The following PRICKLE1 variants were observed in gnomAD, a reference collection of about 807,000 sequenced individuals.
The protein encoded by PRICKLE1 is prickle-like protein 1.
In PRICKLE1, 14 loss-of-function variants were observed where a neutral mutation model predicts 70.2. That is an observed-to-expected ratio of 0.20 (90% CI 0.13 to 0.31). The LOEUF (loss-of-function observed/expected upper bound fraction) is 0.31, where lower values mean the gene tolerates loss of function less well. PRICKLE1 is among the 10% of genes least tolerant of loss of function. PRICKLE1 has a pLI of 1.00. For missense variants in PRICKLE1, 821 were observed against 1,026.2 expected, an observed-to-expected ratio of 0.80 and a Z score of 2.73; for synonymous variants, 357 against 379.9, an observed-to-expected ratio of 0.94 and a Z score of 0.70.
intron 1 of PRICKLE1, among the ~76,000 whole-genome samples, chr12:42,497,049 T>C (rs1039546189): frequency 1.3e-5 from 2 of 152,218 alleles, no homozygotes; most frequent in Admixed American, 1.3e-4. Context: ...TTAACATGTC[T>C]TACTCACTAA....
intron 1 of PRICKLE1, 111 bp from the exon 2 acceptor site, chr12:42,472,675 A>C (rs969339730): frequency 3.8e-5 from 34 of 898,498 alleles, no homozygotes; most frequent in Non-Finnish European, 5.7e-5. Context: ...GGCCCAGAGA[A>C]AGTAACCAAA....
At chr12:42,525,668 T>A (rs181655626) in intron 1 of PRICKLE1, among the ~76,000 whole-genome samples, 4 of 151,888 alleles carry the variant, frequency 2.6e-5, no homozygotes, top group Non-Finnish European at 4.4e-5. Context: ...CCAGAAGTCT[T>A]CTGTATTGAT....
chr12:42,557,289 G>A (rs1234185590), intron 1 of PRICKLE1, among the ~76,000 whole-genome samples: 1 of 152,194 alleles, frequency 6.6e-6, no homozygotes, highest in Non-Finnish European at 1.5e-5. Flanking sequence ...CTGGCTTGGG[G>A]ACAGTGCCTG....
rs968961042 is a variant in PRICKLE1 at position 42,506,259 on chromosome 12, C to G, written c.-48-33695G>C. Among the ~76,000 whole-genome samples, 146 of 121,156 alleles carry G rather than the reference C, an allele frequency of 1.2e-3. 3 individuals carry two copies. Among genetic ancestry groups the G allele is most frequent in the African/African-American group, 4.0e-3 (115 of 29,104 alleles). The allele number at this position is 121,156 out of a possible 152,430, so 79.5% of individuals were successfully genotyped here. ...AAAAAATGTTCTTTTTTCTTTCTTT[C>G]TTTTTTTTTTTTTTTGAGATGGAGT... On this transcript the variant is annotated intron_variant, in intron 1 of 7. Transcript: ENST00000345127.
At chr12:42,495,644 A>G (rs1056183759) in intron 1 of PRICKLE1, among the ~76,000 whole-genome samples, 1 of 150,972 alleles carries the variant, frequency 6.6e-6, no homozygotes, top group African/African-American at 2.4e-5. Flanking sequence ...GGCTGGGTGC[A>G]GTGGCACAAT....
Position 42,464,733 on chromosome 12 carries a change from T to G in PRICKLE1, c.1301A>C (p.Glu434Ala). The change falls in exon 7 of 8, where the codon GAG (glutamate) becomes GCG (alanine). Residue 434 changes from glutamate to alanine, a missense_variant. Physicochemically the swap from Glu to Ala is moderately radical, Grantham distance 107. Transcript: ENST00000345127. This position sits in a 1 kb window ranked among gnomAD's most constrained non-coding sequence, Gnocchi z 4.2. ...DKSLFQPQPN[E>A]MDIRASEHWI... Reference sequence around the variant, plus strand: ...GTGCTCACTGGCTCGAATATCCATCTCATTGGGCTGTGGCTGAAAGAGGCT... The same window carrying G: ...GTGCTCACTGGCTCGAATATCCATCGCATTGGGCTGTGGCTGAAAGAGGCT... The G allele has an allele frequency of 6.2e-7, 1 of 1,614,118 alleles. No homozygotes were observed. Among genetic ancestry groups the G allele is most frequent in the Non-Finnish European group, 8.5e-7 (1 of 1,180,016 alleles).
intron 1 of PRICKLE1, among the ~76,000 whole-genome samples, chr12:42,585,607 G>A (rs1940974236): frequency 6.6e-6 from 1 of 152,130 alleles, no homozygotes; most frequent in East Asian, 1.9e-4. Context: ...TGCCAGAAGT[G>A]TCATGACATC....
intron 1 of PRICKLE1, among the ~76,000 whole-genome samples, chr12:42,516,093 G>T (rs1939606736): frequency 6.6e-6 from 1 of 151,136 alleles, no homozygotes; most frequent in South Asian, 2.1e-4. Context: ...TTCCTATACT[G>T]TAGCTTCCAA....
chr12:42,575,004 G>C (rs1318783480), intron 1 of PRICKLE1, among the ~76,000 whole-genome samples: 2 of 149,216 alleles, frequency 1.3e-5, no homozygotes, highest in Non-Finnish European at 3.0e-5. Context: ...TGACATTCAG[G>C]CTTCTTTTTT....
At chr12:42,569,616 A>G (rs1566130893) in intron 1 of PRICKLE1, among the ~76,000 whole-genome samples, 1 of 152,242 alleles carries the variant, frequency 6.6e-6, no homozygotes, top group Non-Finnish European at 1.5e-5. Flanking sequence ...CGATAAGGAA[A>G]TCGATTGTAC....
intron 1 of PRICKLE1, among the ~76,000 whole-genome samples, chr12:42,490,665 G>A (rs1939083447): frequency 6.6e-6 from 1 of 152,128 alleles, no homozygotes; most frequent in Non-Finnish European, 1.5e-5. Flanking sequence ...GCTGCCCGGG[G>A]TGTACAGTCT....
chr12:42,531,203 C>T (rs913205687), intron 1 of PRICKLE1, among the ~76,000 whole-genome samples: 5 of 151,822 alleles, frequency 3.3e-5, no homozygotes, highest in African/African-American at 1.2e-4. Flanking sequence ...CCCGCCACCA[C>T]GCCCAGCTAA....
intron 1 of PRICKLE1, among the ~76,000 whole-genome samples, chr12:42,502,194 T>C (rs1939323910): frequency 6.6e-6 from 1 of 150,832 alleles, no homozygotes. Context: ...TATACATATA[T>C]ACACACACAC....
chr12:42,567,267 T>A (rs1035187691), intron 1 of PRICKLE1, among the ~76,000 whole-genome samples: 1 of 152,148 alleles, frequency 6.6e-6, no homozygotes, highest in Non-Finnish European at 1.5e-5. Context: ...TTCAATGATC[T>A]CTAATATTCC....
chr12:42,494,805 T>C (rs1158371168), intron 1 of PRICKLE1, among the ~76,000 whole-genome samples: 2 of 141,630 alleles, frequency 1.4e-5, no homozygotes, highest in African/African-American at 5.2e-5. Flanking sequence ...AGACTCTGTC[T>C]CTAAAAAAAA....
chr12:42,533,640 A>C (rs1334365289), intron 1 of PRICKLE1, among the ~76,000 whole-genome samples: 1 of 152,208 alleles, frequency 6.6e-6, no homozygotes, highest in Non-Finnish European at 1.5e-5. Context: ...TATAATAAAT[A>C]GGCAACGTGA....
intron 1 of PRICKLE1, among the ~76,000 whole-genome samples, chr12:42,549,413 T>C (rs1054431336): frequency 2.0e-5 from 3 of 152,126 alleles, no homozygotes; most frequent in African/African-American, 7.2e-5. Flanking sequence ...TATCTTGACA[T>C]AGTTTCAGGA....
Position 42,458,896 on chromosome 12 carries a change from G to C in PRICKLE1, c.*913C>G, listed in dbSNP as rs1160673284. 1 of 173,674 alleles carries C rather than the reference G, an allele frequency of 5.8e-6. No homozygotes were observed. Among genetic ancestry groups the C allele is most frequent in the African/African-American group, 2.4e-5 (1 of 42,046 alleles). The allele number at this position is 173,674 out of a possible 1,614,324, so 10.8% of individuals were successfully genotyped here. A position where few individuals can be genotyped will look rare whatever the true frequency, so the allele number is the denominator to read the frequency against. ...ATTGCTTGACCCATAAGTAACACTTGTAAGATTAATAGGGCCATAGTTTTA... is the reference window on the plus strand; with the variant it reads ...ATTGCTTGACCCATAAGTAACACTTCTAAGATTAATAGGGCCATAGTTTTA... On this transcript the variant is annotated 3_prime_UTR_variant, in exon 8 of 8. Coordinates refer to ENST00000345127, the MANE Select transcript of PRICKLE1 (RefSeq NM_153026.3).
At chr12:42,476,691 G>A (rs1165717877) in intron 1 of PRICKLE1, among the ~76,000 whole-genome samples, 1 of 151,944 alleles carries the variant, frequency 6.6e-6, no homozygotes, top group East Asian at 2.0e-4. Context: ...TGTCACCCAG[G>A]CTGGAGTGCA....
Sources: gnomAD v4.1 joint callset for allele counts (sites outside exome capture counted in the v4.1 genomes callset) on GRCh38, gnomAD v4.1.1 for gene constraint, Gnocchi (gnomAD v3.1) non-coding constraint, MANE v1.5 for transcripts, NCBI Gene and HGNC (gene_info 2026-07-23, HGNC 2026-07-21) for gene names.